The following IL7 variants were observed in gnomAD, a reference collection of about 807,000 sequenced individuals.
The protein encoded by IL7 is interleukin-7.
Under a neutral mutation model 21.6 loss-of-function variants are expected in IL7, and 3 were observed. The ratio of observed to expected loss-of-function variants is 0.14; its 90% CI spans 0.06 to 0.36. IL7 has a LOEUF of 0.36. Among genes scored for constraint, IL7 ranks in the 10% least tolerant of loss-of-function variants. IL7 has a pLI of 1.00. For missense variants in IL7, 175 were observed against 200.2 expected (o/e 0.87, Z 0.76); for synonymous variants, 62 against 68.1 (o/e 0.91, Z 0.44).
At chr8:78,791,388 C>T (rs938619793) in intron 2 of IL7, among the ~76,000 whole-genome samples, 6 of 152,094 alleles carry the variant, frequency 3.9e-5, no homozygotes, top group African/African-American at 1.4e-4. Context: ...GCCTGTAATC[C>T]CAGCACTTCG....
At chr8:78,761,646 A>G (rs1812561129) in intron 2 of IL7, 1 of 1,612,002 alleles carries the variant, frequency 6.2e-7, no homozygotes, top group African/African-American at 1.3e-5. Context: ...GTGATAATGG[A>G]AAAGACGTGT....
chr8:78,678,882 T>A, intron 4 of IL7: 1 of 324,984 alleles, frequency 3.1e-6, no homozygotes, highest in Non-Finnish European at 5.4e-6. Flanking sequence ...AAAATAAGCT[T>A]CTAAACTTCA....
At chr8:78,711,753 A>G (rs965893275) in intron 3 of IL7, among the ~76,000 whole-genome samples, 7 of 151,756 alleles carry the variant, frequency 4.6e-5, no homozygotes, top group African/African-American at 1.7e-4. Context: ...GTATAATTTG[A>G]CATTTGTTTG....
At chr8:78,747,609 A>C (rs528081428) in intron 2 of IL7, among the ~76,000 whole-genome samples, 2 of 152,180 alleles carry the variant, frequency 1.3e-5, no homozygotes, top group African/African-American at 4.8e-5. Flanking sequence ...TACAATTTTT[A>C]CCATTTGTCA....
chr8:78,761,242 T>C (rs55897038), intron 2 of IL7: 1 of 1,603,096 alleles, frequency 6.2e-7, no homozygotes, highest in Non-Finnish European at 8.5e-7. Flanking sequence ...AAAGCAGTTG[T>C]GGTGATCGAT....
Position 78,689,678 on chromosome 8 carries a change from A to G in IL7, n.215-3731T>C, listed in dbSNP as rs773035789. Among the ~76,000 whole-genome samples the G allele has an allele frequency of 5.7e-4, 86 of 152,126 alleles. 1 individual carries two copies. Among genetic ancestry groups the G allele is most frequent in the Middle Eastern group, 3.4e-3 (1 of 294 alleles). On this transcript the variant is annotated intron_variant and non_coding_transcript_variant, in intron 3 of 4. Transcript: ENST00000523959. ...TATATATATGTATACATGTTTTTAG[A>G]TTATCGAGTGAAAGACCTTGTTACA... is the stretch of plus-strand genomic sequence containing the variant.
intron 3 of IL7, among the ~76,000 whole-genome samples, chr8:78,707,175 A>G (rs1394320907): frequency 1.3e-5 from 2 of 152,190 alleles, no homozygotes; most frequent in African/African-American, 4.8e-5. Context: ...TTAGGTAACA[A>G]TATTTGTTCA....
intron 4 of IL7, among the ~76,000 whole-genome samples, chr8:78,680,705 A>G (rs1809748402): frequency 6.6e-6 from 1 of 152,200 alleles, no homozygotes; most frequent in South Asian, 2.1e-4. Context: ...GTTGAAATCC[A>G]GGAGAAATTA....
intron 2 of IL7, chr8:78,760,765 C>T: frequency 6.5e-7 from 1 of 1,538,906 alleles, no homozygotes; most frequent in Non-Finnish European, 8.7e-7. Context: ...TGCGGAATTT[C>T]CCAGGGAGTT....
At chr8:78,740,554 A>G (rs1811742812) in intron 2 of IL7, among the ~76,000 whole-genome samples, 1 of 152,226 alleles carries the variant, frequency 6.6e-6, no homozygotes, top group African/African-American at 2.4e-5. Context: ...CAAATGTATA[A>G]CATACCTAAA....
At chr8:78,732,539 T>C (rs1248883016), downstream of IL7, among the ~76,000 whole-genome samples, 1 of 152,176 alleles carries the variant, frequency 6.6e-6, no homozygotes, top group African/African-American at 2.4e-5. Context: ...CTGGCCTGCT[T>C]AGAATAGTGT....
At chr8:78,688,726 G>A (rs985895121) in intron 3 of IL7, among the ~76,000 whole-genome samples, 4 of 152,024 alleles carry the variant, frequency 2.6e-5, no homozygotes, top group African/African-American at 9.7e-5. Flanking sequence ...CATCTGTTGG[G>A]ACTTTTAAGA....
At position 78,733,608 on chromosome 8, in the gene IL7, T is replaced by A; in HGVS notation, c.*105A>T. On this transcript the variant is annotated 3_prime_UTR_variant, in exon 6 of 6. Coordinates refer to ENST00000263851, the MANE Select transcript of IL7 (RefSeq NM_000880.4). ...CTAATCCGTTTTGACCATGGTGCATTCAGTAACTTCTAGGAAGCATTCCAC... is the reference window on the plus strand; with the variant it reads ...CTAATCCGTTTTGACCATGGTGCATACAGTAACTTCTAGGAAGCATTCCAC... 8.3e-7 allele frequency: 1 copy of A among 1,198,154 alleles called. No homozygotes were observed. The highest frequency in any genetic ancestry group is 1.2e-6 in the Non-Finnish European group (1 of 852,338). 74.2% of individuals were successfully genotyped at this position (1,198,154 alleles called of 1,614,324 possible).
Position 78,750,061 on chromosome 8 carries a change from T to G in IL7, c.148-9979A>C, listed in dbSNP as rs147476531. ...AAAAAAATACTAATTTCTAAAAAGC[T>G]GAATAGTCTGTTCTCCTTTAAAGGG... is the stretch of plus-strand genomic sequence containing the variant. On this transcript the variant is annotated intron_variant, in intron 2 of 5. Transcript: ENST00000263851. 1.7e-4 allele frequency among the ~76,000 whole-genome samples: 26 copies of G among 152,118 alleles called. 1 individual carries two copies. In the East Asian group the frequency reaches 5.0e-3, roughly 29 times the overall value.
At chr8:78,738,418 T>C in intron 4 of IL7, 86 bp downstream of exon 4, 1 of 1,122,464 alleles carries the variant, frequency 8.9e-7, no homozygotes, top group African/African-American at 1.6e-5. Flanking sequence ...GATTCTATGA[T>C]AATGGATGTG....
chr8:78,695,095 C>G (rs62518981), intron 3 of IL7, among the ~76,000 whole-genome samples: 8,672 of 151,924 alleles, frequency 0.057, 301 homozygotes, highest in Middle Eastern at 0.082. Flanking sequence ...AGCAAGATAC[C>G]GAGGGGGAGG....
intron 2 of IL7, among the ~76,000 whole-genome samples, chr8:78,750,595 A>G (rs1449630400): frequency 1.3e-5 from 2 of 152,168 alleles, no homozygotes; most frequent in Non-Finnish European, 2.9e-5. Context: ...AGGCCAAGGC[A>G]GGCAGATCAC....
intron 3 of IL7, among the ~76,000 whole-genome samples, chr8:78,725,249 T>A (rs1811320626): frequency 6.6e-6 from 1 of 151,732 alleles, no homozygotes; most frequent in Admixed American, 6.6e-5. Flanking sequence ...GATGGTGGAG[T>A]TTAGTGGAGA....
intron 6 of IL7, chr8:78,718,414 T>C (rs1166656113): frequency 6.6e-6 from 1 of 151,992 alleles, no homozygotes; most frequent in East Asian, 1.9e-4. Context: ...ATAAATCATT[T>C]TAATGCATCT....
Sources: gnomAD v4.1 joint callset for allele counts (sites outside exome capture counted in the v4.1 genomes callset) on GRCh38, gnomAD v4.1.1 for gene constraint, MANE v1.5 for transcripts, NCBI Gene and HGNC (gene_info 2026-07-23, HGNC 2026-07-21) for gene names.